The following DNAH11 variants were observed in gnomAD, a reference collection of about 807,000 sequenced individuals.
The protein encoded by DNAH11 is axonemal beta dynein heavy chain 11.
Under a neutral mutation model 526.0 loss-of-function variants are expected in DNAH11, and 442 were observed. The ratio of observed to expected loss-of-function variants is 0.84; its 90% confidence interval spans 0.78 to 0.91. The LOEUF (loss-of-function observed/expected upper bound fraction) is 0.91, where lower values mean the gene tolerates loss of function less well. Ranked by LOEUF, DNAH11 falls within the 40% of genes least tolerant of loss-of-function variation. The pLI, the probability that DNAH11 is intolerant of heterozygous loss-of-function variation, is 0.00. For missense variants in DNAH11, 6,989 were observed against 5,448.7 expected (o/e 1.28, Z -8.90); for synonymous variants, 2,461 against 1,935.9 (o/e 1.27, Z -7.12).
chr7:21,587,963 T>C (rs1784532735), intron 9 of DNAH11, 101 bp from the exon 10 acceptor site: 1 of 1,149,748 alleles, frequency 8.7e-7, no homozygotes, highest in Non-Finnish European at 1.2e-6. Context: ...TTTAAGATTC[T>C]AAACTTTAGT....
In DNAH11 at chr7:21,744,979, C is replaced by A; in HGVS notation, c.8426C>A (p.Thr2809Lys). The A allele has an allele frequency of 6.2e-7, 1 of 1,610,148 alleles. No homozygotes were observed. Among genetic ancestry groups the A allele is most frequent in the Non-Finnish European group, 8.5e-7 (1 of 1,178,178 alleles). Residue 2809 changes from threonine (T) to lysine (K), a missense_variant, in exon 51 of 82, where the codon ACG becomes AAG. Transcript: ENST00000409508. ...GTGAAGGACTGGGAAGTGCTGAAGA[C>A]GATTCTTACAGAAACGTTAGACAAC... ...MPVKDWEVLK[T>K]ILTETLDNYN...
intron 63 of DNAH11, among the ~76,000 whole-genome samples, chr7:21,808,393 C>G (rs766688520): frequency 2.6e-4 from 40 of 152,102 alleles, no homozygotes; most frequent in Non-Finnish European, 4.4e-4. Flanking sequence ...GTTAAGAACA[C>G]TATAATTCTT....
intron 78 of DNAH11, 21 bp downstream of exon 78, chr7:21,894,826 T>A (rs1389765907): frequency 6.2e-7 from 1 of 1,610,896 alleles, no homozygotes; most frequent in South Asian, 1.1e-5. Flanking sequence ...AGTGAGGCTA[T>A]AGTAGACTTC....
intron 66 of DNAH11, among the ~76,000 whole-genome samples, chr7:21,850,073 T>G (rs1329613477): frequency 6.6e-6 from 1 of 151,742 alleles, no homozygotes; most frequent in Non-Finnish European, 1.5e-5. Flanking sequence ...AAAACATTCT[T>G]CAGCCGGGCA....
chr7:21,570,341 T>C, intron 7 of DNAH11, 42 bp downstream of exon 7: 1 of 1,515,434 alleles, frequency 6.6e-7, no homozygotes, highest in Non-Finnish European at 9.0e-7. Context: ...TGAAGGTGGG[T>C]GCAAAAAGCC....
At chr7:21,808,107 G>A (rs1475889003) in intron 63 of DNAH11, 58 bp downstream of exon 63, 19 of 1,311,012 alleles carry the variant, frequency 1.4e-5, no homozygotes, top group Non-Finnish European at 1.8e-5. Flanking sequence ...AATTTCAGTA[G>A]TAAAACCCAC....
chr7:21,698,703 T>C (rs1783948390), intron 36 of DNAH11, among the ~76,000 whole-genome samples: 1 of 152,202 alleles, frequency 6.6e-6, no homozygotes, highest in Admixed American at 6.5e-5. Context: ...ACAGTTTCTT[T>C]ATCCACTCAT....
intron 20 of DNAH11, among the ~76,000 whole-genome samples, chr7:21,613,347 T>C (rs1785616029): frequency 6.6e-6 from 1 of 152,048 alleles, no homozygotes; most frequent in African/African-American, 2.4e-5. Flanking sequence ...AAATATGTAG[T>C]AGGGAAAAGA....
chr7:21,795,656 C>A (rs1788677186), intron 61 of DNAH11, among the ~76,000 whole-genome samples: 1 of 152,212 alleles, frequency 6.6e-6, no homozygotes, highest in African/African-American at 2.4e-5. Flanking sequence ...TTCCTTTTAG[C>A]AATCAACGAA....
At chr7:21,604,359 A>G (rs932464790) in intron 18 of DNAH11, among the ~76,000 whole-genome samples, 1 of 152,032 alleles carries the variant, frequency 6.6e-6, no homozygotes, top group Non-Finnish European at 1.5e-5. Flanking sequence ...AATTCATCCC[A>G]TTCCTCCTCA....
rs926133671 is a variant in DNAH11 at position 21,683,870 on chromosome 7, T to G, written c.5547T>G (p.Cys1849Trp). The change falls in exon 32 of 82, where the codon TGT (cysteine) becomes TGG (tryptophan). Residue 1849 changes from cysteine (C) to tryptophan (W), a missense_variant. Transcript: ENST00000409508. ...DTQKHCFVNI[C>W]DAQFQYFYEY... is the part of the protein sequence containing the mutation. ...AGAAACACTGCTTTGTTAATATTTG[T>G]GATGCCCAGTTCCAGTACTTCTATG... 1 of 1,613,790 alleles carries G rather than the reference T, an allele frequency of 6.2e-7. No homozygotes were observed. Among genetic ancestry groups the G allele is most frequent in the Non-Finnish European group, 8.5e-7 (1 of 1,179,740 alleles).
At chr7:21,712,546 CCTTTTT>C (rs1784502697) in intron 42 of DNAH11, among the ~76,000 whole-genome samples, 3 of 152,170 alleles carry the variant, frequency 2.0e-5, no homozygotes, top group Non-Finnish European at 2.9e-5. Flanking sequence ...TGTTATTTTC[CCTTTTT>C]CTAACAGTAG....
At chr7:21,768,400 G>A (rs1216338353) in intron 55 of DNAH11, among the ~76,000 whole-genome samples, 1 of 152,206 alleles carries the variant, frequency 6.6e-6, no homozygotes, top group Non-Finnish European at 1.5e-5. Flanking sequence ...ATGAATCATA[G>A]ACATCTTTGA....
In DNAH11 at chr7:21,560,595, A is replaced by G. The variant is rs557456550; in HGVS notation, c.883-476A>G. Among the ~76,000 whole-genome samples, 132 of 152,336 alleles carry G rather than the reference A, an allele frequency of 8.7e-4. No homozygotes were observed. In the Middle Eastern group the frequency reaches 0.014, roughly 16 times the overall value. On this transcript the variant is annotated intron_variant, in intron 4 of 81. Transcript: ENST00000409508. The stretch of plus-strand genomic sequence containing the variant: ...TGTTCAAGGGCAGGAAGCGTCCAGC[A>G]TGGGAGAAGGATGAAGGCCAGAAGA...
At chr7:21,610,232 C>A (rs138906690) in intron 20 of DNAH11, among the ~76,000 whole-genome samples, 12 of 152,106 alleles carry the variant, frequency 7.9e-5, no homozygotes, top group South Asian at 4.2e-4. Flanking sequence ...CCAGCCTGGG[C>A]GACAGTGCGA....
At chr7:21,727,150 A>C (rs376760229) in intron 45 of DNAH11, among the ~76,000 whole-genome samples, 1 of 151,410 alleles carries the variant, frequency 6.6e-6, no homozygotes, top group South Asian at 2.1e-4. Flanking sequence ...AGCCAGGATG[A>C]TCTCGATCTC....
chr7:21,826,281 TAACTCTTTAAAA>T (rs1790294365), intron 65 of DNAH11, among the ~76,000 whole-genome samples: 1 of 152,180 alleles, frequency 6.6e-6, no homozygotes, highest in African/African-American at 2.4e-5. Context: ...TTTCCTCATC[TAACTCTTTAAAA>T]GAAAGGAGAG....
chr7:21,792,686 T>C (rs1788527190), intron 61 of DNAH11, among the ~76,000 whole-genome samples: 3 of 152,150 alleles, frequency 2.0e-5, no homozygotes, highest in African/African-American at 7.2e-5. Context: ...GGCATATACA[T>C]GTTCATAGTA....
At chr7:21,724,474 G>A (rs995999228) in intron 44 of DNAH11, among the ~76,000 whole-genome samples, 1 of 152,192 alleles carries the variant, frequency 6.6e-6, no homozygotes, top group Non-Finnish European at 1.5e-5. Flanking sequence ...GAAAAATCAC[G>A]GTTGAAGTCA....
Sources: allele counts gnomAD v4.1 joint callset (sites outside exome capture counted in the v4.1 genomes callset), GRCh38; gene constraint gnomAD v4.1.1; transcripts MANE v1.5; gene names NCBI Gene and HGNC (gene_info 2026-07-23, HGNC 2026-07-21).